Variants in TLK1 observed in about 807,000 individuals in gnomAD.
TLK1 encodes tousled like kinase 1, also known as serine/threonine-protein kinase tousled-like 1.
TLK1 carries 24 observed loss-of-function variants against 105.3 expected under a neutral mutation model. That is an observed-to-expected ratio of 0.23 (90% CI 0.17 to 0.32). The LOEUF (loss-of-function observed/expected upper bound fraction) is 0.32. Ranked by LOEUF, TLK1 falls within the 10% of genes least tolerant of loss-of-function variation. The pLI, the probability that TLK1 is intolerant of heterozygous loss-of-function variation, is 1.00. For missense variants in TLK1, 558 were observed against 910.5 expected (o/e 0.61, Z 4.98); for synonymous variants, 321 against 310.4 (o/e 1.03, Z -0.36).
intron 1 of TLK1, 62 bp from the exon 2 acceptor site, chr2:171,117,919 ACAC>A: frequency 8.7e-7 from 1 of 1,153,574 alleles, no homozygotes; most frequent in Non-Finnish European, 1.2e-6. Context: ...ATACTTACAC[ACAC>A]AAATATATAT....
intron 3 of TLK1, among the ~76,000 whole-genome samples, chr2:171,066,332 T>C (rs112217795): frequency 0.017 from 2,585 of 152,326 alleles, 38 homozygotes; most frequent in Middle Eastern, 0.027. Context: ...GAGTGTAGTA[T>C]ATTTTCTGCT....
intron 12 of TLK1, among the ~76,000 whole-genome samples, chr2:171,027,392 GA>G (rs1280936081): frequency 1.3e-5 from 2 of 152,130 alleles, no homozygotes; most frequent in African/African-American, 4.8e-5. Context: ...CTACTTCTCT[GA>G]AATCATTTGA....
At chr2:171,194,582 CCGAGG>C (rs1385365168) in intron 1 of TLK1, among the ~76,000 whole-genome samples, 4 of 152,052 alleles carry the variant, frequency 2.6e-5, no homozygotes, top group African/African-American at 4.8e-5. Flanking sequence ...CTTTGGGAGG[CCGAGG>C]CGGGCGGATC....
At chr2:171,158,363 T>C (rs1428171392) in intron 1 of TLK1, among the ~76,000 whole-genome samples, 1 of 152,230 alleles carries the variant, frequency 6.6e-6, no homozygotes, top group Non-Finnish European at 1.5e-5. Context: ...GAAAAAATTA[T>C]GGTTATTTGG....
intron 1 of TLK1, among the ~76,000 whole-genome samples, chr2:171,141,035 T>G (rs1438772326): frequency 1.3e-5 from 2 of 152,134 alleles, no homozygotes. Context: ...AATGGAAGAT[T>G]GGTCAGAAAA....
chr2:171,050,291 G>T, intron 8 of TLK1, 117 bp from the exon 9 acceptor site: 1 of 612,538 alleles, frequency 1.6e-6, no homozygotes, highest in Non-Finnish European at 2.5e-6. Flanking sequence ...TTAAATATCT[G>T]AGTATGATAC....
chr2:171,095,331 C>T (rs904527291), intron 2 of TLK1, among the ~76,000 whole-genome samples: 3 of 151,000 alleles, frequency 2.0e-5, no homozygotes, highest in African/African-American at 7.3e-5. Context: ...ACAATGAAAC[C>T]AAAAGTTGGA....
chr2:171,114,706 G>A (rs562594657), intron 2 of TLK1, among the ~76,000 whole-genome samples: 13 of 152,002 alleles, frequency 8.6e-5, no homozygotes, highest in Non-Finnish European at 1.6e-4. Flanking sequence ...ACGGTGGCAC[G>A]CACCTGTACT....
At chr2:170,997,392 G>T (rs1221927744) in intron 19 of TLK1, among the ~76,000 whole-genome samples, 1 of 152,164 alleles carries the variant, frequency 6.6e-6, no homozygotes, top group Non-Finnish European at 1.5e-5. Context: ...GGTGGGGGGT[G>T]TAAGAGGAGG....
intron 1 of TLK1, among the ~76,000 whole-genome samples, chr2:171,131,548 C>T (rs1047381842): frequency 6.6e-6 from 1 of 152,168 alleles, no homozygotes; most frequent in African/African-American, 2.4e-5. Flanking sequence ...CTGACTTATA[C>T]CAAGACTTCT....
At chr2:171,105,818 A>G (rs1330070231) in intron 2 of TLK1, among the ~76,000 whole-genome samples, 1 of 152,240 alleles carries the variant, frequency 6.6e-6, no homozygotes, top group Admixed American at 6.5e-5. Context: ...TTAAAAAAAA[A>G]GATACAACTA....
In TLK1 at chr2:171,160,664, G is replaced by C; in HGVS notation, c.-236C>G. On this transcript the variant is annotated 5_prime_UTR_variant, in exon 1 of 21. Transcript: ENST00000431350. This position sits in a 1 kb window ranked among gnomAD's most constrained non-coding sequence, Gnocchi z 4.4. ...GAAAGGGGGAGAAGCGAGGGAGCGA[G>C]CGGGCGCGCCAGAGGAGAGGAGGAG... 1.6e-6 allele frequency: 1 copy of C among 613,460 alleles called. No individual in the cohort carries two copies. The highest frequency in any genetic ancestry group is 2.6e-6 in the Non-Finnish European group (1 of 383,692). The allele number at this position is 613,460 out of a possible 1,614,324, so 38.0% of individuals were successfully genotyped here.
chr2:171,122,266 A>G (rs1690684898), intron 1 of TLK1, among the ~76,000 whole-genome samples: 1 of 152,140 alleles, frequency 6.6e-6, no homozygotes, highest in African/African-American at 2.4e-5. Context: ...ACCCGGCCCT[A>G]ATAAGATATT....
At chr2:171,132,881 C>T (rs1691158284) in intron 1 of TLK1, among the ~76,000 whole-genome samples, 1 of 152,080 alleles carries the variant, frequency 6.6e-6, no homozygotes, top group Non-Finnish European at 1.5e-5. Context: ...CATAACAAAA[C>T]ACTAAATCTA....
At chr2:171,148,186 A>G (rs1691869354) in intron 1 of TLK1, among the ~76,000 whole-genome samples, 2 of 152,122 alleles carry the variant, frequency 1.3e-5, no homozygotes, top group Non-Finnish European at 2.9e-5. Flanking sequence ...CACCACACCC[A>G]GCAGCAGCTG....
At chr2:171,013,318 CTTTTTTTTT>C (rs774923512) in intron 13 of TLK1, among the ~76,000 whole-genome samples, 9 of 74,152 alleles carry the variant, frequency 1.2e-4, no homozygotes, top group South Asian at 4.4e-4. Context: ...TGGCCCCTCA[CTTTTTTTTT>C]TTTTTTTTTT....
intron 12 of TLK1, among the ~76,000 whole-genome samples, chr2:171,022,086 A>AACACACACAC (rs557803785): frequency 0.023 from 2,412 of 103,000 alleles, 57 homozygotes; most frequent in African/African-American, 0.053. Context: ...CTGGGCGAAA[A>AACACACACAC]ACACACACAC....
At chr2:171,007,516 AT>A (rs1437057068) in intron 14 of TLK1, among the ~76,000 whole-genome samples, 1 of 151,712 alleles carries the variant, frequency 6.6e-6, no homozygotes, top group Non-Finnish European at 1.5e-5. Context: ...CCTAACAGTT[AT>A]TTTTCCAACT....
intron 18 of TLK1, among the ~76,000 whole-genome samples, chr2:170,999,662 T>C (rs950567872): frequency 2.6e-5 from 4 of 152,246 alleles, no homozygotes; most frequent in Non-Finnish European, 5.9e-5. Flanking sequence ...TATACGAGTA[T>C]TTATAGTGCT....
Sources: gnomAD v4.1 joint callset for allele counts (sites outside exome capture counted in the v4.1 genomes callset) on GRCh38, gnomAD v4.1.1 for gene constraint, Gnocchi (gnomAD v3.1) non-coding constraint, MANE v1.5 for transcripts, NCBI Gene and HGNC (gene_info 2026-07-23, HGNC 2026-07-21) for gene names.